USH2A: variants seen among roughly 807,000 people sequenced by gnomAD.
The protein encoded by USH2A is usherin, also known as Usher syndrome 2A (autosomal recessive, mild).
Under a neutral mutation model 538.9 loss-of-function variants are expected in USH2A, and 443 were observed. The ratio of observed to expected loss-of-function variants is 0.82; its 90% CI spans 0.76 to 0.89. The LOEUF is 0.89. Among genes scored for constraint, USH2A ranks in the 40% least tolerant of loss-of-function variants. USH2A has a pLI of 0.00. For synonymous variants in USH2A, 2,413 were observed against 2,273.5 expected, an observed-to-expected ratio of 1.06 and a Z score of -1.75; for missense variants, 6,633 against 6,324.8, an observed-to-expected ratio of 1.05 and a Z score of -1.65.
chr1:216,241,712 T>C (rs896084954), intron 13 of USH2A, among the ~76,000 whole-genome samples: 1 of 152,054 alleles, frequency 6.6e-6, no homozygotes, highest in African/African-American at 2.4e-5. Flanking sequence ...TTTTGTATCT[T>C]TAGTAGAGAT....
chr1:215,949,213 A>G (rs17582332), intron 37 of USH2A, among the ~76,000 whole-genome samples: 7,952 of 152,180 alleles, frequency 0.052, 246 homozygotes, highest in Admixed American at 0.087. Context: ...CACAAAAGTA[A>G]AAATACCTGG....
At chr1:216,388,307 T>C (rs1490754937) in intron 3 of USH2A, among the ~76,000 whole-genome samples, 1 of 152,218 alleles carries the variant, frequency 6.6e-6, no homozygotes, top group African/African-American at 2.4e-5. Flanking sequence ...TGTCCTTCAG[T>C]GCTCACTTTA....
rs1019708541 is a variant in USH2A at position 215,930,510 on chromosome 1, C to T, written c.7300+4106G>A. On this transcript the variant is annotated intron_variant, in intron 38 of 71. Transcript: ENST00000307340. ...AAGATCCTGCAAAACTTCTAAGCTT[C>T]TTTGCCTTCCTCCTCTAAGCTCATT... 3.9e-5 allele frequency among the ~76,000 whole-genome samples: 6 copies of T among 152,164 alleles called. No homozygotes were observed. In the South Asian group the frequency reaches 6.2e-4, roughly 16 times the overall value.
intron 4 of USH2A, among the ~76,000 whole-genome samples, chr1:216,352,494 C>A (rs893893559): frequency 2.0e-5 from 3 of 152,024 alleles, no homozygotes; most frequent in Non-Finnish European, 4.4e-5. Flanking sequence ...CAGTGGTGAG[C>A]TAAAGTCTGA....
intron 64 of USH2A, among the ~76,000 whole-genome samples, chr1:215,663,110 C>T (rs1447103980): frequency 6.6e-6 from 1 of 152,164 alleles, no homozygotes; most frequent in Non-Finnish European, 1.5e-5. Context: ...GAGTATCACA[C>T]CTTTAGAGGC....
chr1:215,799,143 T>TA lies in USH2A; in HGVS notation c.9740-19dup. 6.2e-7 allele frequency: 1 copy of TA among 1,606,174 alleles called. No individual in the cohort carries two copies. Among genetic ancestry groups the TA allele is most frequent in the Non-Finnish European group, 8.5e-7 (1 of 1,175,030 alleles). On this transcript the variant is annotated intron_variant, in intron 49 of 71. Transcript: ENST00000307340. ...TACTTCACCTGTCAATTTAGGACAA[T>TA]AATAATCATTACATCAGTTAAAAAA... is the stretch of plus-strand genomic sequence containing the variant.
intron 11 of USH2A, among the ~76,000 whole-genome samples, chr1:216,262,077 T>G (rs1332575556): frequency 6.6e-6 from 1 of 152,138 alleles, no homozygotes; most frequent in Non-Finnish European, 1.5e-5. Flanking sequence ...AATCTTTCCC[T>G]ATAAGCGCTA....
intron 47 of USH2A, among the ~76,000 whole-genome samples, chr1:215,825,009 G>A (rs1000582270): frequency 3.3e-5 from 5 of 152,114 alleles, no homozygotes; most frequent in Non-Finnish European, 7.4e-5. Flanking sequence ...TCTGTTTTCT[G>A]TGGAGAGGAG....
intron 10 of USH2A, among the ~76,000 whole-genome samples, chr1:216,291,865 C>G (rs2037008001): frequency 6.6e-6 from 1 of 152,012 alleles, no homozygotes; most frequent in African/African-American, 2.4e-5. Flanking sequence ...GTAAGCATTC[C>G]CGAGTTATTC....
chr1:216,016,113 T>G (rs1252642399), intron 32 of USH2A, among the ~76,000 whole-genome samples: 1 of 151,154 alleles, frequency 6.6e-6, no homozygotes, highest in Non-Finnish European at 1.5e-5. Flanking sequence ...AAACACCGCA[T>G]GTTCTCACTC....
At chr1:215,674,030 G>A in intron 63 of USH2A, 70 bp downstream of exon 63, 3 of 1,612,848 alleles carry the variant, frequency 1.9e-6, no homozygotes, top group Non-Finnish European at 1.7e-6. Flanking sequence ...CATTAGAACT[G>A]ACCAAGGGCT....
intron 3 of USH2A, among the ~76,000 whole-genome samples, chr1:216,403,054 A>G (rs1558073076): frequency 1.3e-5 from 2 of 152,152 alleles, no homozygotes; most frequent in East Asian, 3.9e-4. Flanking sequence ...TATAAAAGGA[A>G]TTGTATACTA....
chr1:215,676,983 C>A (rs1040045372), intron 62 of USH2A, among the ~76,000 whole-genome samples: 1 of 152,144 alleles, frequency 6.6e-6, no homozygotes, highest in African/African-American at 2.4e-5. Context: ...TTCCCTCATG[C>A]TTTTGCTCTG....
chr1:216,150,476 C>G (rs898463735), intron 21 of USH2A, among the ~76,000 whole-genome samples: 1 of 151,866 alleles, frequency 6.6e-6, no homozygotes, highest in Non-Finnish European at 1.5e-5. Context: ...CCCTCCTTAG[C>G]GAACAACTGC....
chr1:215,795,370 C>T (rs967996698), intron 50 of USH2A, among the ~76,000 whole-genome samples: 3 of 152,112 alleles, frequency 2.0e-5, no homozygotes, highest in African/African-American at 4.8e-5. Flanking sequence ...ATGCATTCAT[C>T]CCTCTCTTAT....
Position 216,309,600 on chromosome 1 carries a change from G to A in USH2A, c.1644+12283C>T, listed in dbSNP as rs1338833093. On this transcript the variant is annotated intron_variant, in intron 9 of 71. Transcript: ENST00000307340. ...ATACGTTGTTGAAAAGGAGTGCTGA[G>A]AGGAAACATTCTTGTCTTATTCCTG... Among the ~76,000 whole-genome samples the A allele has an allele frequency of 2.0e-5, 3 of 152,202 alleles. 1 individual carries two copies. Among genetic ancestry groups the A allele is most frequent in the East Asian group, 1.9e-4 (1 of 5,182 alleles).
At chr1:215,976,168 C>G (rs989023292) in intron 35 of USH2A, among the ~76,000 whole-genome samples, 9 of 152,114 alleles carry the variant, frequency 5.9e-5, no homozygotes. Flanking sequence ...GATTTAGTAT[C>G]CTAAAACTTT....
intron 11 of USH2A, among the ~76,000 whole-genome samples, chr1:216,271,372 G>A (rs964041660): frequency 1.3e-5 from 2 of 152,092 alleles, no homozygotes; most frequent in African/African-American, 4.8e-5. Flanking sequence ...ATGGCTTTAC[G>A]AAGGAGAGTA....
chr1:216,289,132 G>A, intron 11 of USH2A, 148 bp downstream of exon 11: 1 of 1,153,010 alleles, frequency 8.7e-7, no homozygotes. Flanking sequence ...ACTCAAAGTT[G>A]CACACGAACA....
Sources: allele counts gnomAD v4.1 joint callset (sites outside exome capture counted in the v4.1 genomes callset), GRCh38; gene constraint gnomAD v4.1.1; transcripts MANE v1.5; gene names NCBI Gene and HGNC (gene_info 2026-07-23, HGNC 2026-07-21).